Variants in ZMYM1 observed in about 807,000 individuals in gnomAD.
ZMYM1 encodes the protein zinc finger MYM-type protein 1.
ZMYM1 carries 39 observed loss-of-function variants against 60.0 expected under a neutral mutation model. The ratio of observed to expected loss-of-function variants is 0.65; its 90% CI spans 0.50 to 0.85. ZMYM1 has a LOEUF of 0.85. Ranked by LOEUF, ZMYM1 falls within the 40% of genes least tolerant of loss-of-function variation. The pLI, the probability that ZMYM1 is intolerant of heterozygous loss-of-function variation, is 0.00. For synonymous variants in ZMYM1, 413 were observed against 454.0 expected (o/e 0.91, Z 1.15); for missense variants, 1,171 against 1,309.5 (o/e 0.89, Z 1.63).
Position 35,114,958 on chromosome 1 carries a change from G to C in ZMYM1, c.3128G>C (p.Ser1043Thr). 1 of 1,613,970 alleles carries C rather than the reference G, an allele frequency of 6.2e-7. No homozygotes were observed. The highest frequency in any genetic ancestry group is 8.5e-7 in the Non-Finnish European group (1 of 1,179,868). Residue 1043 changes from serine (S) to threonine (T), a missense_variant, in exon 10 of 10, where the codon AGT becomes ACT. Ser to Thr is a moderately conservative substitution (Grantham distance 58, BLOSUM62 1). Coordinates refer to ENST00000359858, the MANE Select transcript of ZMYM1 (RefSeq NM_024772.5). ...AAGCTTAACTTTGTCATAGATGATAGTTGCATAAACTTCGTCAGTCTCGGC... is the reference window on the plus strand; with the variant it reads ...AAGCTTAACTTTGTCATAGATGATACTTGCATAAACTTCGTCAGTCTCGGC... ...YAKLNFVIDDSCINFVSLGCL... is the reference protein window; with the variant it reads ...YAKLNFVIDDTCINFVSLGCL...
chr1:35,094,997 T>C (rs889851837), intron 2 of ZMYM1, among the ~76,000 whole-genome samples: 2 of 152,138 alleles, frequency 1.3e-5, no homozygotes, highest in African/African-American at 4.8e-5. Flanking sequence ...AAGGGTATGC[T>C]TACCATTGAG....
chr1:35,106,467 G>A (rs1257942036), intron 6 of ZMYM1, among the ~76,000 whole-genome samples: 1 of 152,040 alleles, frequency 6.6e-6, no homozygotes, highest in Admixed American at 6.6e-5. Flanking sequence ...AAATTAGCTG[G>A]GCATGGTGGC....
At chr1:35,107,575 T>C (rs1643935449) in intron 6 of ZMYM1, among the ~76,000 whole-genome samples, 1 of 152,170 alleles carries the variant, frequency 6.6e-6, no homozygotes, top group Non-Finnish European at 1.5e-5. Context: ...GCCTAACACT[T>C]TCCCCTTGCA....
intron 1 of ZMYM1, among the ~76,000 whole-genome samples, chr1:35,089,266 T>C (rs76949329): frequency 0.023 from 3,540 of 152,250 alleles, 165 homozygotes; most frequent in African/African-American, 0.081. Context: ...CAAAACTCGG[T>C]GCTTTGTTTT....
intron 2 of ZMYM1, 127 bp downstream of exon 2, chr1:35,094,210 TA>T (rs957212131): frequency 1.5e-6 from 1 of 678,444 alleles, no homozygotes. Context: ...GTTAATTAAA[TA>T]ATACAAGGTA....
intron 4 of ZMYM1, among the ~76,000 whole-genome samples, chr1:35,100,959 C>T (rs1436877071): frequency 2.0e-5 from 3 of 151,908 alleles, no homozygotes; most frequent in Admixed American, 6.6e-5. Flanking sequence ...ACATGCCACC[C>T]TGCCTGTCCA....
chr1:35,103,352 A>G (rs571145347), intron 4 of ZMYM1, among the ~76,000 whole-genome samples: 1 of 152,276 alleles, frequency 6.6e-6, no homozygotes, highest in Admixed American at 6.5e-5. Flanking sequence ...GGAATCATAT[A>G]TGACCTTTTT....
rs1553143860 is a variant in ZMYM1, at chr1:35,104,744, C to T, written c.782C>T (p.Ser261Leu). The part of the protein sequence containing the change: ...MEGQSHYFNS[S>L]KSITAYKQKP... ...GGACAGTCTCATTACTTTAATAGTT[C>T]AAAGAGTATTACAGCATATAAGCAG... is the stretch of plus-strand genomic sequence containing the variant. The change falls in exon 6 of 10, where the codon TCA (serine) becomes TTA (leucine). Residue 261 changes from serine to leucine, a missense_variant. Ser to Leu is a moderately radical substitution (Grantham distance 145, BLOSUM62 -2). Coordinates refer to ENST00000359858, the MANE Select transcript of ZMYM1 (RefSeq NM_024772.5). The T allele has an allele frequency of 6.2e-7, 1 of 1,613,902 alleles. No homozygotes were observed. Among genetic ancestry groups the T allele is most frequent in the East Asian group, 2.2e-5 (1 of 44,866 alleles).
upstream of ZMYM1, among the ~76,000 whole-genome samples, chr1:35,077,612 A>G (rs1189578746): frequency 2.6e-5 from 4 of 152,142 alleles, no homozygotes; most frequent in Non-Finnish European, 5.9e-5. Flanking sequence ...TACCACCCAG[A>G]TAGATAAACA....
rs751026449 is a variant in ZMYM1 at position 35,113,445 on chromosome 1, G to A, written c.1615G>A (p.Asp539Asn). 9.9e-6 allele frequency: 16 copies of A among 1,613,560 alleles called. No individual in the cohort carries two copies. The highest frequency in any genetic ancestry group is 1.3e-5 in the Non-Finnish European group (15 of 1,179,922). The change falls in exon 10 of 10, where the codon GAT (aspartate) becomes AAT (asparagine). Residue 539 changes from aspartate to asparagine, a missense_variant. Asp to Asn is a conservative substitution (Grantham distance 23, BLOSUM62 1). Transcript: ENST00000359858. The stretch of plus-strand genomic sequence containing the variant: ...ATTTTGTGATGGAGCTGTCAGTGAC[G>A]ATTTATCTATTCATTCGAAACAGAT... The part of the protein sequence containing the change: ...YQFCDGAVSD[D>N]LSIHSKQIEG...
chr1:35,074,074 C>T (rs1028323103), intron 1 of ZMYM1, among the ~76,000 whole-genome samples: 4 of 152,304 alleles, frequency 2.6e-5, no homozygotes, highest in Middle Eastern at 3.4e-3. Context: ...AGGTATGAAC[C>T]ACCGTGGCTG....
chr1:35,109,552 A>G (rs1321809695), intron 6 of ZMYM1, among the ~76,000 whole-genome samples: 2 of 152,192 alleles, frequency 1.3e-5, no homozygotes, highest in African/African-American at 4.8e-5. Flanking sequence ...CTAGAAAAAC[A>G]GTGATTCCCA....
At chr1:35,090,404 G>T (rs557631970) in intron 1 of ZMYM1, among the ~76,000 whole-genome samples, 2 of 152,290 alleles carry the variant, frequency 1.3e-5, no homozygotes, top group East Asian at 3.9e-4. Flanking sequence ...ACCTTGCTGG[G>T]AGGGATAGCA....
chr1:35,077,681 G>A (rs1642190798), upstream of ZMYM1, among the ~76,000 whole-genome samples: 1 of 152,072 alleles, frequency 6.6e-6, no homozygotes, highest in Non-Finnish European at 1.5e-5. Flanking sequence ...AGGACAGACA[G>A]CTTCAACTTC....
chr1:35,117,730 C>G (rs1227584461), downstream of ZMYM1, among the ~76,000 whole-genome samples: 1 of 151,458 alleles, frequency 6.6e-6, no homozygotes, highest in Admixed American at 6.6e-5. Context: ...CACTTGAGGT[C>G]GGGAGTTCAA....
At chr1:35,081,437 A>G (rs965859232) in intron 1 of ZMYM1, among the ~76,000 whole-genome samples, 1 of 151,808 alleles carries the variant, frequency 6.6e-6, no homozygotes, top group African/African-American at 2.4e-5. Flanking sequence ...TATATACATT[A>G]GAATTACCTT....
Position 35,113,263 on chromosome 1 carries a change from A to T in ZMYM1, c.1433A>T (p.Tyr478Phe). The T allele has an allele frequency of 6.2e-7, 1 of 1,613,102 alleles. No homozygotes were observed. Among genetic ancestry groups the T allele is most frequent in the Non-Finnish European group, 8.5e-7 (1 of 1,179,138 alleles). ...ENSKKDVAFC[Y>F]SCQLFCQKYF... ...AGTAAAAAAGATGTGGCATTCTGTT[A>T]TTCATGCCAGTTGTTCTGCCAAAAA... The change falls in exon 10 of 10, where the codon TAT becomes TTT. Residue 478 changes from tyrosine (Y) to phenylalanine (F), a missense_variant. Tyr to Phe is a conservative substitution (Grantham distance 22, BLOSUM62 3). Transcript: ENST00000359858.
At chr1:35,078,537 ATTTTT>A (rs751468260), upstream of ZMYM1, among the ~76,000 whole-genome samples, 50 of 82,208 alleles carry the variant, frequency 6.1e-4, no homozygotes, top group South Asian at 0.013. Context: ...GGTTATTTTA[ATTTTT>A]TTTTTTTTTT....
intron 1 of ZMYM1, among the ~76,000 whole-genome samples, chr1:35,086,020 C>T (rs1642635539): frequency 6.6e-6 from 1 of 152,146 alleles, no homozygotes; most frequent in Non-Finnish European, 1.5e-5. Context: ...CTGTGGTTTT[C>T]AGGACTGAAA....
Sources: allele counts gnomAD v4.1 joint callset (sites outside exome capture counted in the v4.1 genomes callset), GRCh38; gene constraint gnomAD v4.1.1; transcripts MANE v1.5; gene names NCBI Gene and HGNC (gene_info 2026-07-23, HGNC 2026-07-21).